CATSPER4: variants seen among roughly 807,000 people sequenced by gnomAD.
CATSPER4 encodes the protein cation channel sperm-associated protein 4.
Under a neutral mutation model 54.4 loss-of-function variants are expected in CATSPER4, and 46 were observed. The ratio of observed to expected loss-of-function variants is 0.84; its 90% CI spans 0.67 to 1.08. The LOEUF is 1.08. CATSPER4 is among the 50% of genes least tolerant of loss of function. The pLI is 0.00. For missense variants in CATSPER4, 574 were observed against 612.8 expected (o/e 0.94, Z 0.67); for synonymous variants, 230 against 231.9 (o/e 0.99, Z 0.08).
intron 9 of CATSPER4, among the ~76,000 whole-genome samples, chr1:26,201,997 C>T (rs2089014403): frequency 6.6e-6 from 1 of 152,186 alleles, no homozygotes; most frequent in Admixed American, 6.5e-5. Context: ...CTGTCTGCCT[C>T]TTAAACTTCC....
intron 9 of CATSPER4, 44 bp downstream of exon 9, chr1:26,201,563 T>C: frequency 6.2e-7 from 1 of 1,604,536 alleles, no homozygotes; most frequent in Admixed American, 1.7e-5. Context: ...GCCCTGACAC[T>C]CTGCTCAGCC....
At position 26,195,563 on chromosome 1, in the gene CATSPER4, C is replaced by T. The variant is rs538669494; in HGVS notation, c.459+1675C>T. Among the ~76,000 whole-genome samples, 21 of 150,970 alleles carry T rather than the reference C, an allele frequency of 1.4e-4. 1 individual carries two copies. The South Asian group carries it at 4.0e-3, about 29-fold the overall frequency. On this transcript the variant is annotated intron_variant, in intron 3 of 9. Transcript: ENST00000456354. ...TCGCCTGGGCTGGAGTGCAGTGGCG[C>T]GATCTCGGCTCACTGCAAGCTCTGC...
chr1:26,196,144 C>CTTTT (rs376569258), intron 3 of CATSPER4, among the ~76,000 whole-genome samples: 15 of 125,274 alleles, frequency 1.2e-4, no homozygotes, highest in Non-Finnish European at 1.5e-4. Context: ...CTTTCTTTTC[C>CTTTT]TTTTTTTTTT....
rs138417334 is a variant in CATSPER4 at position 26,198,043 on chromosome 1, C to T, written c.644C>T (p.Ala215Val). ...ATCCTGCAGTCGGTGCCTGACATGG[C>T]CAATATCATGGTCCTCATCCTCTTC... ...RVILQSVPDM[A>V]NIMVLILFFM... The change falls in exon 5 of 10, where the codon GCC becomes GTC. Residue 215 changes from alanine to valine, a missense_variant. Coordinates refer to ENST00000456354, the MANE Select transcript of CATSPER4 (RefSeq NM_198137.2). The T allele has an allele frequency of 9.4e-5, 152 of 1,614,012 alleles. No individual in the cohort carries two copies. In the African/African-American group the frequency reaches 1.6e-3, roughly 17 times the overall value.
In CATSPER4 at chr1:26,201,525, C is replaced by T; in HGVS notation, c.1365+6C>T. ...CGCTCGTTAGCATGGAAAAGGTGTGCCTTCCTTCTCCTACCCAATGGGTAC... is the reference window on the plus strand; with the variant it reads ...CGCTCGTTAGCATGGAAAAGGTGTGTCTTCCTTCTCCTACCCAATGGGTAC... On this transcript the variant is annotated splice_donor_region_variant and intron_variant, in intron 9 of 9. Transcript: ENST00000456354. The T allele has an allele frequency of 6.2e-7, 1 of 1,613,922 alleles. No individual in the cohort carries two copies.
In CATSPER4 at chr1:26,202,897, C is replaced by T. The variant is rs1475965482; in HGVS notation, c.*355C>T. ...GGGGGGCCTCAGTGGGCCCCAGAAC[C>T]AAGAAGAGAAAGGCAAGGCCAGTGG... On this transcript the variant is annotated 3_prime_UTR_variant, in exon 10 of 10. Transcript: ENST00000456354. The T allele has an allele frequency of 5.6e-6, 2 of 359,280 alleles. No homozygotes were observed. Among genetic ancestry groups the T allele is most frequent in the Non-Finnish European group, 1.0e-5 (2 of 193,454 alleles). The allele number at this position is 359,280 out of a possible 1,614,324, so 22.3% of individuals were successfully genotyped here.
intron 8 of CATSPER4, 81 bp downstream of exon 8, chr1:26,201,122 C>G: frequency 1.6e-6 from 2 of 1,237,572 alleles, no homozygotes; most frequent in Non-Finnish European, 2.4e-6. Context: ...GCCTCACGCC[C>G]TCACCATTTA....
chr1:26,195,314 T>C (rs761909856), intron 3 of CATSPER4, among the ~76,000 whole-genome samples: 1 of 151,808 alleles, frequency 6.6e-6, no homozygotes. Flanking sequence ...AAGAAAGGAG[T>C]TGTATTTGGC....
chr1:26,197,895 G>A, intron 4 of CATSPER4, 62 bp from the exon 5 acceptor site: 1 of 1,610,840 alleles, frequency 6.2e-7, no homozygotes, highest in Non-Finnish European at 8.5e-7. Context: ...AGCTGGTGGG[G>A]GTAATGAGGA....
chr1:26,191,538 C>A (rs1004201454), intron 2 of CATSPER4, 108 bp downstream of exon 2: 4 of 1,300,770 alleles, frequency 3.1e-6, no homozygotes, highest in Non-Finnish European at 4.3e-6. Context: ...GGATTGGATG[C>A]TCTTCAAGGG....
At chr1:26,197,883 G>A in intron 4 of CATSPER4, 74 bp from the exon 5 acceptor site, 2 of 1,608,922 alleles carry the variant, frequency 1.2e-6, no homozygotes, top group Non-Finnish European at 8.5e-7. Flanking sequence ...GCCTCTCTGG[G>A]CAGCTGGTGG....
chr1:26,198,102 C>G (rs2088964739), intron 5 of CATSPER4, 25 bp downstream of exon 5: 2 of 1,614,226 alleles, frequency 1.2e-6, no homozygotes, highest in African/African-American at 2.7e-5. Flanking sequence ...CCGCCCCCAG[C>G]TGTTTCCCTT....
chr1:26,202,390 GC>G, intron 9 of CATSPER4, 98 bp from the exon 10 acceptor site: 3 of 1,061,014 alleles, frequency 2.8e-6, no homozygotes, highest in Non-Finnish European at 4.3e-6. Flanking sequence ...TCTCTGGGAG[GC>G]CTGGCTGGGG....
Position 26,199,874 on chromosome 1 carries a change from C to A in CATSPER4, c.813-10C>A. The A allele has an allele frequency of 6.2e-7, 1 of 1,613,490 alleles. No homozygotes were observed. The highest frequency in any genetic ancestry group is 8.5e-7 in the Non-Finnish European group (1 of 1,179,708). On this transcript the variant is annotated splice_polypyrimidine_tract_variant and intron_variant, in intron 6 of 9. Coordinates refer to ENST00000456354, the MANE Select transcript of CATSPER4 (RefSeq NM_198137.2). ...AGGGAAATGATGGGGCCCCTGCCTGCCATCTGCAGGACAGAGAAGAGGGAA... is the reference window on the plus strand; with the variant it reads ...AGGGAAATGATGGGGCCCCTGCCTGACATCTGCAGGACAGAGAAGAGGGAA...
Position 26,201,432 on chromosome 1 carries a change from C to G in CATSPER4, c.1278C>G (p.Ser426Arg). The change falls in exon 9 of 10, where the codon AGC (serine) becomes AGG (arginine). Residue 426 changes from serine to arginine, a missense_variant. By Grantham distance (110) the Ser-to-Arg change is moderately radical (BLOSUM62 -1). Coordinates refer to ENST00000456354, the MANE Select transcript of CATSPER4 (RefSeq NM_198137.2). Reference protein sequence around the residue: ...SEVLNRRSSTSGSLETTSSKD... With the variant: ...SEVLNRRSSTRGSLETTSSKD... ...TGTTGAACAGGCGCTCGTCGACGAG[C>G]GGGTCGTTGGAGACTACGTCATCCA... is the stretch of plus-strand genomic sequence containing the variant. 6.2e-7 allele frequency: 1 copy of G among 1,613,996 alleles called. No homozygotes were observed. Among genetic ancestry groups the G allele is most frequent in the Non-Finnish European group, 8.5e-7 (1 of 1,179,936 alleles).
chr1:26,193,786 G>A lies in CATSPER4; in HGVS notation c.358-1G>A. 6.2e-7 allele frequency: 1 copy of A among 1,607,512 alleles called. No individual in the cohort carries two copies. ...CTCTTTTTTCTCTGTCTCCCATGTA[G>A]AAACACTATGAGTTGTTCTCTACCA... On this transcript the variant is annotated splice_acceptor_variant, in intron 2 of 9. Transcript: ENST00000456354. LOFTEE classifies it high-confidence loss of function.
intron 3 of CATSPER4, among the ~76,000 whole-genome samples, chr1:26,197,424 G>C (rs2088954785): frequency 6.6e-6 from 1 of 152,240 alleles, no homozygotes; most frequent in South Asian, 2.1e-4. Context: ...TCAGCTTAGG[G>C]ACCAGCCATG....
intron 9 of CATSPER4, among the ~76,000 whole-genome samples, chr1:26,201,835 G>A (rs1026017152): frequency 5.9e-5 from 9 of 151,982 alleles, no homozygotes; most frequent in Non-Finnish European, 1.2e-4. Flanking sequence ...GATTACAGGT[G>A]CTTGTCACTG....
Position 26,202,472 on chromosome 1 carries a change from G to A in CATSPER4, c.1366-17G>A, listed in dbSNP as rs186478083. ...GGGGGGAGTGGGGGATTAACAAGAA[G>A]ACCTCTTGGTTTGCAGGTTCATGAC... On this transcript the variant is annotated splice_polypyrimidine_tract_variant and intron_variant, in intron 9 of 9. Transcript: ENST00000456354. 3 of 1,609,756 alleles carry A rather than the reference G, an allele frequency of 1.9e-6. No homozygotes were observed. In the East Asian group the frequency reaches 6.7e-5, roughly 36 times the overall value.
Sources: allele counts gnomAD v4.1 joint callset (sites outside exome capture counted in the v4.1 genomes callset), GRCh38; gene constraint gnomAD v4.1.1; transcripts MANE v1.5; gene names NCBI Gene and HGNC (gene_info 2026-07-23, HGNC 2026-07-21).